The following NAV2 variants were observed in gnomAD, a reference collection of about 807,000 sequenced individuals.
NAV2 encodes helicase, APC down-regulated 1.
NAV2 carries 54 observed loss-of-function variants against 223.2 expected under a neutral mutation model. The observed-to-expected ratio is 0.24, with a 90% CI of 0.19 to 0.30. The LOEUF is 0.30. Among genes scored for constraint, NAV2 ranks in the 10% least tolerant of loss-of-function variants. The pLI is 1.00. For synonymous variants in NAV2, 1,279 were observed against 1,239.3 expected (o/e 1.03, Z -0.67); for missense variants, 2,806 against 3,147.5 (o/e 0.89, Z 2.60).
chr11:20,043,771 T>C (rs944450618), intron 12 of NAV2: 3 of 540,314 alleles, frequency 5.6e-6, no homozygotes, highest in Non-Finnish European at 6.6e-6. Context: ...CAGGGATACA[T>C]TGATATTATT....
At chr11:19,685,945 C>A (rs557838851) in intron 1 of NAV2, among the ~76,000 whole-genome samples, 2 of 151,620 alleles carry the variant, frequency 1.3e-5, no homozygotes, top group Non-Finnish European at 2.9e-5. Flanking sequence ...GACTTTCCAA[C>A]TTAAAACTCT....
intron 1 of NAV2, among the ~76,000 whole-genome samples, chr11:19,663,317 G>A (rs1408628961): frequency 6.6e-6 from 1 of 152,224 alleles, no homozygotes; most frequent in East Asian, 1.9e-4. Context: ...TGGGCATTGT[G>A]CTGAGCATTT....
intron 22 of NAV2, among the ~76,000 whole-genome samples, chr11:20,077,218 G>A (rs1272941924): frequency 6.6e-6 from 1 of 152,086 alleles, no homozygotes; most frequent in Non-Finnish European, 1.5e-5. Context: ...GCATATGAGG[G>A]TGTCGTGAAA....
At chr11:19,499,992 CCA>C (rs1007272507) in intron 1 of NAV2, among the ~76,000 whole-genome samples, 3 of 150,952 alleles carry the variant, frequency 2.0e-5, no homozygotes, top group East Asian at 3.9e-4. Flanking sequence ...ACACACACAA[CCA>C]CACACACACA....
At chr11:19,834,179 C>T (rs779112248) in intron 2 of NAV2, among the ~76,000 whole-genome samples, 1 of 152,202 alleles carries the variant, frequency 6.6e-6, no homozygotes, top group Non-Finnish European at 1.5e-5. Flanking sequence ...AATTCTTCCT[C>T]TTCCTCTTAC....
chr11:19,665,013 C>G (rs544978573), intron 1 of NAV2, among the ~76,000 whole-genome samples: 1 of 152,296 alleles, frequency 6.6e-6, no homozygotes, highest in East Asian at 1.9e-4. Context: ...GCATTCAGAC[C>G]TAAGTCTTGT....
chr11:20,013,067 G>A (rs1277837299), intron 11 of NAV2, among the ~76,000 whole-genome samples: 1 of 152,194 alleles, frequency 6.6e-6, no homozygotes, highest in Admixed American at 6.5e-5. Context: ...GCCCCAGAAG[G>A]ACACTGATTT....
chr11:19,831,225 G>GC (rs201543459), intron 1 of NAV2, among the ~76,000 whole-genome samples: 5 of 59,916 alleles, frequency 8.3e-5, no homozygotes, highest in African/African-American at 1.3e-4. Flanking sequence ...GAGTGTTGCG[G>GC]GGGGGGGGGG....
At chr11:19,875,486 C>T (rs2062783518) in intron 4 of NAV2, among the ~76,000 whole-genome samples, 2 of 152,194 alleles carry the variant, frequency 1.3e-5, no homozygotes, top group African/African-American at 4.8e-5. Context: ...CTATTGCTTG[C>T]ACACCATAGT....
At chr11:19,473,693 A>T (rs1279142704) in intron 1 of NAV2, among the ~76,000 whole-genome samples, 1 of 151,866 alleles carries the variant, frequency 6.6e-6, no homozygotes, top group Admixed American at 6.6e-5. Flanking sequence ...GGTGCATGGG[A>T]TGCTGTGGTG....
chr11:19,968,324 C>T (rs755296252), intron 10 of NAV2, among the ~76,000 whole-genome samples: 3 of 152,172 alleles, frequency 2.0e-5, no homozygotes, highest in East Asian at 1.9e-4. Flanking sequence ...CTTCCTGATT[C>T]TTCTGCCTCA....
At chr11:19,606,617 C>G (rs2046480014) in intron 1 of NAV2, among the ~76,000 whole-genome samples, 1 of 152,184 alleles carries the variant, frequency 6.6e-6, no homozygotes, top group Non-Finnish European at 1.5e-5. Context: ...ATCCAAATCT[C>G]CAAGCCCTGT....
At chr11:19,896,684 T>C (rs1323628056) in intron 6 of NAV2, among the ~76,000 whole-genome samples, 2 of 152,232 alleles carry the variant, frequency 1.3e-5, no homozygotes, top group Non-Finnish European at 2.9e-5. Flanking sequence ...GAGGAATTGT[T>C]CTAATGACAT....
intron 10 of NAV2, among the ~76,000 whole-genome samples, chr11:19,977,284 T>C (rs1256677017): frequency 6.6e-6 from 1 of 152,238 alleles, no homozygotes; most frequent in East Asian, 1.9e-4. Flanking sequence ...GATTGTGCAG[T>C]CTGTCTTATT....
At chr11:19,492,513 T>C (rs1456153290) in intron 1 of NAV2, among the ~76,000 whole-genome samples, 1 of 152,076 alleles carries the variant, frequency 6.6e-6, no homozygotes, top group Non-Finnish European at 1.5e-5. Flanking sequence ...AGCCATCTTG[T>C]ACTATGAGGA....
chr11:20,096,524 G>C (rs1359842087), intron 30 of NAV2, among the ~76,000 whole-genome samples: 1 of 152,184 alleles, frequency 6.6e-6, no homozygotes. Flanking sequence ...CCATTTAAAG[G>C]TGAAGAAAGT....
chr11:19,760,830 C>T (rs796431939), intron 1 of NAV2, among the ~76,000 whole-genome samples: 35 of 152,212 alleles, frequency 2.3e-4, no homozygotes, highest in East Asian at 3.9e-4. Context: ...AAAATAGTAA[C>T]GAATCAGCAG....
chr11:19,460,686 T>C (rs1388388179), intron 1 of NAV2, among the ~76,000 whole-genome samples: 3 of 149,096 alleles, frequency 2.0e-5, no homozygotes, highest in Non-Finnish European at 4.5e-5. Context: ...CATTAGGAGA[T>C]ATACCTAATG....
chr11:20,043,239 G>A (rs1008604957), intron 12 of NAV2, among the ~76,000 whole-genome samples: 3 of 151,822 alleles, frequency 2.0e-5, no homozygotes, highest in Non-Finnish European at 2.9e-5. Context: ...TGGGAAGAAG[G>A]CAGAACAAAG....
Sources: allele counts gnomAD v4.1 joint callset (sites outside exome capture counted in the v4.1 genomes callset), GRCh38; gene constraint gnomAD v4.1.1; transcripts MANE v1.5; gene names NCBI Gene and HGNC (gene_info 2026-07-23, HGNC 2026-07-21).